The following SYT1 variants were observed in gnomAD, a reference collection of about 807,000 sequenced individuals.
SYT1 encodes synaptotagmin-1.
In SYT1, 8 loss-of-function variants were observed where a neutral mutation model predicts 44.8. That is an observed-to-expected ratio of 0.18 (90% CI 0.10 to 0.32). The LOEUF is 0.32. Among genes scored for constraint, SYT1 ranks in the 10% least tolerant of loss-of-function variants. The pLI is 1.00. For synonymous variants in SYT1, 154 were observed against 188.8 expected (o/e 0.82, Z 1.51); for missense variants, 286 against 509.3 (o/e 0.56, Z 4.22).
At chr12:78,984,915 A>G (rs779099415) in intron 2 of SYT1, among the ~76,000 whole-genome samples, 9 of 151,922 alleles carry the variant, frequency 5.9e-5, no homozygotes, top group Non-Finnish European at 1.2e-4. Flanking sequence ...GAGCAACAAA[A>G]CCGCAGTTAT....
rs533674516 is a variant in SYT1, at chr12:79,276,097, T to G, written c.167-9690T>G. 2.3e-3 allele frequency among the ~76,000 whole-genome samples: 356 copies of G among 151,650 alleles called. 1 individual carries two copies. Among genetic ancestry groups the G allele is most frequent in the Non-Finnish European group, 4.4e-3 (296 of 67,916 alleles). On this transcript the variant is annotated intron_variant, in intron 4 of 10. Transcript: ENST00000261205. ...AATTTTTAAATAATAAGAAGAAATA[T>G]CCCCAGATGAGAAAGAACCAGAAAA...
intron 2 of SYT1, among the ~76,000 whole-genome samples, chr12:79,014,139 G>GA (rs1170016597): frequency 0.012 from 1,046 of 90,318 alleles, 13 homozygotes; most frequent in South Asian, 0.038. Context: ...AAAAAAAAAA[G>GA]AAAAAAAAAA....
chr12:79,414,957 G>A (rs1017829678), intron 9 of SYT1, among the ~76,000 whole-genome samples: 1 of 152,132 alleles, frequency 6.6e-6, no homozygotes, highest in Non-Finnish European at 1.5e-5. Context: ...CTGGTCTCAT[G>A]GCTCACCACA....
chr12:79,248,553 T>C (rs1876990300), intron 4 of SYT1, among the ~76,000 whole-genome samples: 1 of 152,130 alleles, frequency 6.6e-6, no homozygotes, highest in Non-Finnish European at 1.5e-5. Context: ...AATGAAAAAG[T>C]CTTAAGTTTC....
At chr12:78,909,039 G>T (rs1876155682) in intron 1 of SYT1, among the ~76,000 whole-genome samples, 1 of 151,836 alleles carries the variant, frequency 6.6e-6, no homozygotes, top group Non-Finnish European at 1.5e-5. Flanking sequence ...ACTCTGTATT[G>T]CTCCTCCCTG....
intron 3 of SYT1, among the ~76,000 whole-genome samples, chr12:79,053,403 T>C (rs952590348): frequency 9.2e-5 from 14 of 152,008 alleles, no homozygotes; most frequent in Admixed American, 6.6e-4. Flanking sequence ...ATATACCTAA[T>C]GCTAAATGAC....
chr12:78,914,836 T>C (rs1802658282), intron 1 of SYT1, among the ~76,000 whole-genome samples: 1 of 152,064 alleles, frequency 6.6e-6, no homozygotes, highest in Admixed American at 6.6e-5. Flanking sequence ...TGTACACTTG[T>C]GAGATATGTA....
Position 79,073,362 on chromosome 12 carries a change from A to G in SYT1, c.-18+26000A>G, listed in dbSNP as rs148715464. 2.5e-3 allele frequency among the ~76,000 whole-genome samples: 376 copies of G among 152,282 alleles called. 1 individual carries two copies. The highest frequency in any genetic ancestry group is 8.6e-3 in the African/African-American group (359 of 41,556). On this transcript the variant is annotated intron_variant, in intron 3 of 10. Coordinates refer to ENST00000261205, the MANE Select transcript of SYT1 (RefSeq NM_005639.3). ...TCATTTGCTCCATCAAACCATCTTA[A>G]CAGGAGGAGATAGCAAATAAAGGCA...
intron 3 of SYT1, among the ~76,000 whole-genome samples, chr12:79,141,252 G>C (rs1023212539): frequency 2.0e-4 from 30 of 151,756 alleles, no homozygotes; most frequent in African/African-American, 7.0e-4. Context: ...CATTAATATT[G>C]TCTGTTAATT....
intron 2 of SYT1, among the ~76,000 whole-genome samples, chr12:79,030,108 C>A (rs780204352): frequency 8.6e-5 from 13 of 150,994 alleles, no homozygotes; most frequent in Non-Finnish European, 1.5e-4. Flanking sequence ...CTAAATTTTG[C>A]CTTACAATAT....
intron 1 of SYT1, among the ~76,000 whole-genome samples, chr12:78,917,242 G>A (rs1876712361): frequency 6.6e-6 from 1 of 152,070 alleles, no homozygotes; most frequent in African/African-American, 2.4e-5. Flanking sequence ...AGAATTTGAA[G>A]ACAGTTGTAT....
At chr12:79,032,036 C>T (rs944605779) in intron 2 of SYT1, among the ~76,000 whole-genome samples, 19 of 150,994 alleles carry the variant, frequency 1.3e-4, no homozygotes, top group South Asian at 2.1e-4. Flanking sequence ...ACTTTTTTCA[C>T]GTTTACATAA....
intron 2 of SYT1, among the ~76,000 whole-genome samples, chr12:79,038,164 AAT>A (rs150657645): frequency 0.17 from 24,930 of 148,836 alleles, 2,073 homozygotes; most frequent in South Asian, 0.24. Context: ...TGAATATATG[AAT>A]ATATATATAT....
chr12:78,873,572 A>G (rs1039559130), intron 1 of SYT1, among the ~76,000 whole-genome samples: 12 of 151,560 alleles, frequency 7.9e-5, no homozygotes, highest in African/African-American at 2.7e-4. Context: ...TTATTTGTAA[A>G]CTCCATAGTT....
chr12:79,124,910 A>T (rs1364813292), intron 3 of SYT1, among the ~76,000 whole-genome samples: 1 of 152,142 alleles, frequency 6.6e-6, no homozygotes, highest in Admixed American at 6.5e-5. Context: ...AAATGAAATG[A>T]AGGGGAAAAA....
At chr12:78,958,822 G>A (rs1324428612) in intron 1 of SYT1, among the ~76,000 whole-genome samples, 1 of 152,090 alleles carries the variant, frequency 6.6e-6, no homozygotes, top group Non-Finnish European at 1.5e-5. Flanking sequence ...CGCAAACGTG[G>A]AAAACTTTCA....
At chr12:79,237,744 C>T (rs898064147) in intron 4 of SYT1, among the ~76,000 whole-genome samples, 3 of 152,180 alleles carry the variant, frequency 2.0e-5, no homozygotes, top group African/African-American at 7.2e-5. Flanking sequence ...TAGCAGACTT[C>T]ATCCTCATCA....
intron 3 of SYT1, among the ~76,000 whole-genome samples, chr12:79,129,598 T>C (rs181379363): frequency 6.6e-6 from 1 of 152,334 alleles, no homozygotes; most frequent in African/African-American, 2.4e-5. Flanking sequence ...ATTTGCTGTC[T>C]AATTCACCAT....
At chr12:79,034,979 T>C (rs1288397629) in intron 2 of SYT1, among the ~76,000 whole-genome samples, 1 of 151,662 alleles carries the variant, frequency 6.6e-6, no homozygotes, top group Non-Finnish European at 1.5e-5. Flanking sequence ...TGCCCAACAG[T>C]GGAAACCAAA....
Sources: allele counts gnomAD v4.1 joint callset (sites outside exome capture counted in the v4.1 genomes callset), GRCh38; gene constraint gnomAD v4.1.1; transcripts MANE v1.5; gene names NCBI Gene and HGNC (gene_info 2026-07-23, HGNC 2026-07-21).